FKBP8: variants seen among roughly 807,000 people sequenced by gnomAD.
FKBP8 encodes the protein peptidyl-prolyl cis-trans isomerase FKBP8.
In FKBP8, 5 loss-of-function variants were observed where a neutral mutation model predicts 41.7. The ratio of observed to expected loss-of-function variants is 0.12; its 90% CI spans 0.06 to 0.25. The LOEUF (loss-of-function observed/expected upper bound fraction) is 0.25, where lower values mean the gene tolerates loss of function less well. Among genes scored for constraint, FKBP8 ranks in the 10% least tolerant of loss-of-function variants. The probability of loss-of-function intolerance (pLI) is 1.00; values close to 1 mark genes in which losing one functional copy is unlikely to be tolerated. For synonymous variants in FKBP8, 279 were observed against 254.5 expected, an observed-to-expected ratio of 1.10 and a Z score of -0.92; for missense variants, 397 against 563.0, an observed-to-expected ratio of 0.71 and a Z score of 2.98.
At chr19:18,542,176 G>T in intron 1 of FKBP8, 181 bp from the exon 2 acceptor site, 1 of 809,698 alleles carries the variant, frequency 1.2e-6, no homozygotes, top group Non-Finnish European at 1.8e-6. Flanking sequence ...ATTAACCCAT[G>T]CATCAAGCCC....
At chr19:18,539,854 A>G in intron 2 of FKBP8, 134 bp from the exon 3 acceptor site, 1 of 1,056,964 alleles carries the variant, frequency 9.5e-7, no homozygotes, top group South Asian at 1.5e-5. Flanking sequence ...TGGGGCACAA[A>G]CCAAACTTCC....
intron 6 of FKBP8, 135 bp from the exon 7 acceptor site, chr19:18,533,482 C>T (rs1568408783): frequency 3.9e-6 from 2 of 507,934 alleles, no homozygotes; most frequent in East Asian, 3.2e-5. Context: ...AAGACTCCAT[C>T]TCAAAAAATA....
At chr19:18,542,792 A>G (rs1600541636) in intron 1 of FKBP8, 10 of 793,728 alleles carry the variant, frequency 1.3e-5, no homozygotes, top group African/African-American at 1.3e-4. Context: ...GACCTCCTGA[A>G]CCAATAACCA....
intron 6 of FKBP8, among the ~76,000 whole-genome samples, chr19:18,534,162 C>A (rs1007980021): frequency 6.7e-6 from 1 of 150,072 alleles, no homozygotes; most frequent in East Asian, 2.0e-4. Context: ...AAAAAATTAG[C>A]CGGGCATGGT....
At chr19:18,539,271 C>G in intron 4 of FKBP8, 100 bp downstream of exon 4, 1 of 1,091,726 alleles carries the variant, frequency 9.2e-7, no homozygotes, top group Non-Finnish European at 1.3e-6. Flanking sequence ...AGTTTCTTGT[C>G]TATAAAATGG....
Position 18,531,920 on chromosome 19 carries a change from TA to T in FKBP8, c.*248del, listed in dbSNP as rs1976458033. ...ACTGAGGCCAGCCCTGGCGGAGACC[TA>T]GCCCAGCGGGGTAAGGAGGGTGGGG... is the stretch of plus-strand genomic sequence containing the variant. On this transcript the variant is annotated 3_prime_UTR_variant, in exon 9 of 9. Coordinates refer to ENST00000608443, the MANE Select transcript of FKBP8 (RefSeq NM_012181.5). 1 of 523,868 alleles carries T rather than the reference TA, an allele frequency of 1.9e-6. No homozygotes were observed. The highest frequency in any genetic ancestry group is 3.1e-5 in the Admixed American group (1 of 31,754). The allele number at this position is 523,868 out of a possible 1,614,324, so 32.5% of individuals were successfully genotyped here.
rs541372907 is a variant in FKBP8 at position 18,535,498 on chromosome 19, G to A, written c.945+2103C>T. Reference sequence around the variant, plus strand: ...CTAAGGGGAGAAGATGGAGCTGGGCGAAGTGGCTCACGCCTATAATCCCAG... The same window carrying A: ...CTAAGGGGAGAAGATGGAGCTGGGCAAAGTGGCTCACGCCTATAATCCCAG... On this transcript the variant is annotated intron_variant, in intron 6 of 8. Coordinates refer to ENST00000608443, the MANE Select transcript of FKBP8 (RefSeq NM_012181.5). Among the ~76,000 whole-genome samples the A allele has an allele frequency of 3.9e-5, 6 of 151,988 alleles. No individual in the cohort carries two copies. The East Asian group carries it at 5.9e-4, about 15-fold the overall frequency.
rs1457483726 is a variant in FKBP8, at chr19:18,531,873, C to A, written c.*296G>T. The A allele has an allele frequency of 2.5e-6, 1 of 397,610 alleles. No homozygotes were observed. Among genetic ancestry groups the A allele is most frequent in the East Asian group, 4.2e-5 (1 of 23,538 alleles). 24.6% of individuals were successfully genotyped at this position (397,610 alleles called of 1,614,324 possible). On this transcript the variant is annotated 3_prime_UTR_variant, in exon 9 of 9. Transcript: ENST00000608443. ...CGGGGACTAGGCAGGGGAAGGGCTG[C>A]CCCCAGGCCTGTTGAGGAGAAACTG...
rs1161591394 is a variant in FKBP8, at chr19:18,538,374, A to G, written c.614T>C (p.Val205Ala). ...GAGCATCTCCAGGTCAGGCCCGTCC[A>G]CAGCCGTCTTCAGGGTCACCTCCAG... Reference protein sequence around the residue: ...LCLEVTLKTAVDGPDLEMLTG... With the variant: ...LCLEVTLKTAADGPDLEMLTG... Residue 205 changes from valine (V) to alanine (A), a missense_variant, in exon 5 of 9, where the codon GTG (valine) becomes GCG (alanine). Val to Ala is a moderately conservative substitution (Grantham distance 64). Around this residue, in one of 2 missense-constraint regions of FKBP8, gnomAD observed 225 missense variants for 366.8 expected, o/e 0.61. Coordinates refer to ENST00000608443, the MANE Select transcript of FKBP8 (RefSeq NM_012181.5). The surrounding 1 kb of genome is among the most constrained non-coding windows in gnomAD (Gnocchi z 4.0). The G allele has an allele frequency of 1.9e-6, 3 of 1,613,590 alleles. No individual in the cohort carries two copies. The highest frequency in any genetic ancestry group is 2.5e-6 in the Non-Finnish European group (3 of 1,179,970).
intron 6 of FKBP8, among the ~76,000 whole-genome samples, chr19:18,535,131 G>C (rs989000804): frequency 1.3e-4 from 20 of 152,088 alleles, no homozygotes; most frequent in Admixed American, 2.6e-4. Flanking sequence ...TGTTCCCCAG[G>C]ATGGTTTCGA....
At chr19:18,536,827 G>T (rs544548791) in intron 6 of FKBP8, among the ~76,000 whole-genome samples, 7 of 152,240 alleles carry the variant, frequency 4.6e-5, no homozygotes, top group African/African-American at 1.7e-4. Flanking sequence ...TCAGACAGTC[G>T]GCAATGCCTA....
intron 1 of FKBP8, 124 bp downstream of exon 1, chr19:18,543,362 G>C (rs1346512271): frequency 1.1e-5 from 1 of 95,036 alleles, no homozygotes; most frequent in Non-Finnish European, 2.1e-5. Flanking sequence ...CCCCCGGCTC[G>C]CCACCCCCGC....
rs1262017509 is a variant in FKBP8 at position 18,531,822 on chromosome 19, G to A, written c.*347C>T. ...GAGGGAACCTGGACAGGGGGCGGCA[G>A]GCGGGGTGGGGGGCTGGCACTCAGG... On this transcript the variant is annotated 3_prime_UTR_variant, in exon 9 of 9. Transcript: ENST00000608443. The A allele has an allele frequency of 6.3e-5, 18 of 287,726 alleles. No homozygotes were observed. The East Asian group carries it at 1.0e-3, about 16-fold the overall frequency. The allele number at this position is 287,726 out of a possible 1,614,324, so 17.8% of individuals were successfully genotyped here. A position where few individuals can be genotyped will look rare whatever the true frequency, so the allele number is the denominator to read the frequency against.
Position 18,541,685 on chromosome 19 carries a change from T to C in FKBP8, c.286A>G (p.Ile96Val). The change falls in exon 2 of 9, where the codon ATT (isoleucine) becomes GTT (valine). Residue 96 changes from isoleucine to valine, a missense_variant. Coordinates refer to ENST00000608443, the MANE Select transcript of FKBP8 (RefSeq NM_012181.5). ...PAPAPEEWLD[I>V]LGNGLLRKKT... is the part of the protein sequence containing the mutation. ...ATCCACCTTTGCTCCTTACCCAGAA[T>C]GTCCAGCCACTCTTCTGGGGCCGGG... 2 of 1,605,848 alleles carry C rather than the reference T, an allele frequency of 1.2e-6. No homozygotes were observed. Among genetic ancestry groups the C allele is most frequent in the East Asian group, 2.2e-5 (1 of 44,738 alleles).
chr19:18,541,605 A>G lies in FKBP8; in HGVS notation c.292+74T>C, dbSNP rs922314931. The G allele has an allele frequency of 1.7e-5, 26 of 1,539,080 alleles. No individual in the cohort carries two copies. The African/African-American group carries it at 2.9e-4, about 17-fold the overall frequency. On this transcript the variant is annotated intron_variant, in intron 2 of 8. Coordinates refer to ENST00000608443, the MANE Select transcript of FKBP8 (RefSeq NM_012181.5). ...CCACGTGACTTCCAACCCTCACAGCACAGATGGGGAAATGAGGCTCAGGGG... is the reference window on the plus strand; with the variant it reads ...CCACGTGACTTCCAACCCTCACAGCGCAGATGGGGAAATGAGGCTCAGGGG...
In FKBP8 at chr19:18,538,304, G is replaced by A. The variant is rs1312178574; in HGVS notation, c.684C>T (p.Cys228=). ...RVALANRKRE[C]GNAHYQRADF... is the part of the protein sequence containing the mutation. Reference sequence around the variant, plus strand: ...CCGCCCGCTGGTAGTGGGCGTTGCCGCACTCCCGCTTCCGGTTGGCCAGGG... The same window carrying A: ...CCGCCCGCTGGTAGTGGGCGTTGCCACACTCCCGCTTCCGGTTGGCCAGGG... The change falls in exon 5 of 9, where the codon TGC becomes TGT. Residue 228 remains cysteine (C), a synonymous_variant. Transcript: ENST00000608443. This position sits in a 1 kb window ranked among gnomAD's most constrained non-coding sequence, Gnocchi z 4.0. 11 of 1,613,430 alleles carry A rather than the reference G, an allele frequency of 6.8e-6. No individual in the cohort carries two copies. The highest frequency in any genetic ancestry group is 2.7e-5 in the African/African-American group (2 of 74,924).
At chr19:18,533,527 AACC>A in intron 6 of FKBP8, among the ~76,000 whole-genome samples, 180 bp from the exon 7 acceptor site, 1 of 152,278 alleles carries the variant, frequency 6.6e-6, no homozygotes, top group Non-Finnish European at 1.5e-5. Flanking sequence ...AACATGGAGA[AACC>A]CCGTCTCTAC....
chr19:18,531,946 G>A lies in FKBP8; in HGVS notation c.*223C>T, dbSNP rs1345624179. ...AGCCCAGCGGGGTAAGGAGGGTGGG[G>A]GAAAACTGGGTCTGAAGGAATGAGG... is the stretch of plus-strand genomic sequence containing the variant. On this transcript the variant is annotated 3_prime_UTR_variant, in exon 9 of 9. Coordinates refer to ENST00000608443, the MANE Select transcript of FKBP8 (RefSeq NM_012181.5). The A allele has an allele frequency of 5.3e-6, 3 of 566,350 alleles. No individual in the cohort carries two copies. The highest frequency in any genetic ancestry group is 2.1e-5 in the South Asian group (1 of 47,906). 35.1% of individuals were successfully genotyped at this position (566,350 alleles called of 1,614,324 possible). A position where few individuals can be genotyped will look rare whatever the true frequency, so the allele number is the denominator to read the frequency against.
rs560502715 is a variant in FKBP8 at position 18,533,904 on chromosome 19, G to T, written c.946-557C>A. The stretch of plus-strand genomic sequence containing the variant: ...GCGCCTGATAGTCCCAGCTACTCGG[G>T]AGGCTGAGGCAGGAGAATGGCGTGA... On this transcript the variant is annotated intron_variant, in intron 6 of 8. Coordinates refer to ENST00000608443, the MANE Select transcript of FKBP8 (RefSeq NM_012181.5). 1.8e-4 allele frequency among the ~76,000 whole-genome samples: 27 copies of T among 150,598 alleles called. No individual in the cohort carries two copies. In the South Asian group the frequency reaches 5.0e-3, roughly 28 times the overall value.
Sources: allele counts gnomAD v4.1 joint callset (sites outside exome capture counted in the v4.1 genomes callset), GRCh38; gene constraint gnomAD v4.1.1; regional missense constraint gnomAD v4.1.1; non-coding constraint Gnocchi (gnomAD v3.1); transcripts MANE v1.5; gene names NCBI Gene and HGNC (gene_info 2026-07-23, HGNC 2026-07-21).